The following SLC12A3 variants were observed in gnomAD, a reference collection of about 807,000 sequenced individuals.
SLC12A3 encodes solute carrier family 12 member 3.
SLC12A3 carries 104 observed loss-of-function variants against 121.0 expected under a neutral mutation model. That is an observed-to-expected ratio of 0.86 (90% confidence interval 0.73 to 1.01). SLC12A3 has a LOEUF of 1.01. SLC12A3 is among the 50% of genes least tolerant of loss of function. The pLI is 0.00. For missense variants in SLC12A3, 1,328 were observed against 1,356.3 expected, an observed-to-expected ratio of 0.98 and a Z score of 0.33; for synonymous variants, 536 against 533.4, an observed-to-expected ratio of 1.00 and a Z score of -0.07.
chr16:56,872,831 G>A (rs1278522714), intron 8 of SLC12A3, 45 bp downstream of exon 8: 1 of 1,611,810 alleles, frequency 6.2e-7, no homozygotes, highest in Non-Finnish European at 8.5e-7. Flanking sequence ...ACTGCACAGG[G>A]GCTATGAGCA....
chr16:56,884,111 G>C lies in SLC12A3; in HGVS notation c.1732G>C (p.Val578Leu), dbSNP rs139329616. The C allele has an allele frequency of 6.2e-7, 1 of 1,614,096 alleles. No homozygotes were observed. The highest frequency in any genetic ancestry group is 8.5e-7 in the Non-Finnish European group (1 of 1,180,032). The part of the protein sequence containing the change: ...WAALFGAIIS[V>L]VIMFLLTWWA... ...GGCGCTGTTTGGGGCTATCATCTCC[G>C]TGGTCATCATGTTCCTCCTCACCTG... is the stretch of plus-strand genomic sequence containing the variant. Residue 578 changes from valine (V) to leucine (L), a missense_variant, in exon 14 of 26, where the codon GTG becomes CTG. Val to Leu is a conservative substitution (Grantham distance 32). Coordinates refer to ENST00000563236, the MANE Select transcript of SLC12A3 (RefSeq NM_001126108.2).
intron 16 of SLC12A3, among the ~76,000 whole-genome samples, 177 bp from the exon 17 acceptor site, chr16:56,886,776 C>CT (rs1259977941): frequency 6.6e-6 from 1 of 152,116 alleles, no homozygotes; most frequent in African/African-American, 2.4e-5. Flanking sequence ...CCCCCTCCCT[C>CT]TCCCTTCCTC....
chr16:56,910,163 G>A (rs1476403362), intron 25 of SLC12A3, among the ~76,000 whole-genome samples: 2 of 152,154 alleles, frequency 1.3e-5, no homozygotes, highest in Non-Finnish European at 2.9e-5. Context: ...AAGGCAATAG[G>A]CCTTATGAAT....
intron 13 of SLC12A3, among the ~76,000 whole-genome samples, chr16:56,883,705 C>T (rs1457427127): frequency 6.6e-6 from 1 of 152,202 alleles, no homozygotes; most frequent in African/African-American, 2.4e-5. Context: ...CCTGGCCTGA[C>T]CTGCTGGTGG....
intron 9 of SLC12A3, 69 bp from the exon 10 acceptor site, chr16:56,879,004 G>A: frequency 1.3e-6 from 2 of 1,545,126 alleles, no homozygotes; most frequent in Non-Finnish European, 1.8e-6. Flanking sequence ...CCTCTGCAGA[G>A]GTGGGGCTGG....
At chr16:56,870,847 T>G in intron 6 of SLC12A3, 111 bp downstream of exon 6, 1 of 649,786 alleles carries the variant, frequency 1.5e-6, no homozygotes, top group Non-Finnish European at 2.7e-6. Context: ...TTTCTTTTTT[T>G]TTTTTTGAGA....
At chr16:56,899,486 C>T (rs1275739018) in intron 22 of SLC12A3, 44 bp from the exon 23 acceptor site, 1 of 1,475,324 alleles carries the variant, frequency 6.8e-7, no homozygotes, top group East Asian at 2.3e-5. Flanking sequence ...AAGACGCTGT[C>T]TCAAGAAAAA....
intron 17 of SLC12A3, among the ~76,000 whole-genome samples, chr16:56,887,527 T>A (rs1486242765): frequency 6.6e-6 from 1 of 151,382 alleles, no homozygotes; most frequent in Non-Finnish European, 1.5e-5. Flanking sequence ...CTTTCTTATG[T>A]CTCCAGATGT....
Position 56,879,505 on chromosome 16 carries a change from C to T in SLC12A3, c.1336-37C>T, listed in dbSNP as rs746593537. On this transcript the variant is annotated intron_variant, in intron 10 of 25. Coordinates refer to ENST00000563236, the MANE Select transcript of SLC12A3 (RefSeq NM_001126108.2). ...CACAGATGGGGGCTCCTGGCTCAGC[C>T]CCCACCGTGGAGTCCCTGAGCCCCA... The T allele has an allele frequency of 3.9e-6, 6 of 1,529,922 alleles. No individual in the cohort carries two copies. In the South Asian group the frequency reaches 6.7e-5, roughly 17 times the overall value. The allele number at this position is 1,529,922 out of a possible 1,614,324, so 94.8% of individuals were successfully genotyped here.
intron 22 of SLC12A3, among the ~76,000 whole-genome samples, chr16:56,895,584 G>A (rs146857345): frequency 3.8e-4 from 58 of 151,540 alleles, no homozygotes; most frequent in African/African-American, 7.3e-4. Context: ...TGGAGAACAC[G>A]CCTCCTCCTG....
chr16:56,884,190 T>C lies in SLC12A3; in HGVS notation c.1811T>C (p.Ile604Thr). Reference protein sequence around the residue: ...GVVLFLLLYVIYKKPEVNWGS... With the variant: ...GVVLFLLLYVTYKKPEVNWGS... ...GTGCTCTTCCTCCTGCTCTATGTCATCTACAAGAAGCCAGGTGCGCATCTC... is the reference window on the plus strand; with the variant it reads ...GTGCTCTTCCTCCTGCTCTATGTCACCTACAAGAAGCCAGGTGCGCATCTC... Residue 604 changes from isoleucine to threonine, a missense_variant, in exon 14 of 26, where the codon ATC (isoleucine) becomes ACC (threonine). By Grantham distance (89) the Ile-to-Thr change is moderately conservative. Coordinates refer to ENST00000563236, the MANE Select transcript of SLC12A3 (RefSeq NM_001126108.2). 1 of 1,614,104 alleles carries C rather than the reference T, an allele frequency of 6.2e-7. No homozygotes were observed. Among genetic ancestry groups the C allele is most frequent in the Non-Finnish European group, 8.5e-7 (1 of 1,179,986 alleles).
At chr16:56,902,721 C>T (rs147561234) in intron 24 of SLC12A3, among the ~76,000 whole-genome samples, 1 of 152,312 alleles carries the variant, frequency 6.6e-6, no homozygotes, top group Non-Finnish European at 1.5e-5. Flanking sequence ...CCTGGTCCTC[C>T]TGCCCATCTT....
chr16:56,871,809 G>A (rs763797640), intron 6 of SLC12A3, among the ~76,000 whole-genome samples: 1 of 152,048 alleles, frequency 6.6e-6, no homozygotes, highest in African/African-American at 2.4e-5. Flanking sequence ...TGCAACCTCC[G>A]CCTCCTCGTC....
chr16:56,899,250 C>G (rs1379482286), intron 22 of SLC12A3, among the ~76,000 whole-genome samples: 1 of 149,620 alleles, frequency 6.7e-6, no homozygotes, highest in African/African-American at 2.5e-5. Context: ...CATGGTGGCT[C>G]CAGCCTATAA....
At chr16:56,903,238 G>C (rs1283707887) in intron 24 of SLC12A3, among the ~76,000 whole-genome samples, 4 of 152,044 alleles carry the variant, frequency 2.6e-5, no homozygotes, top group African/African-American at 9.7e-5. Flanking sequence ...CCACAGCTCA[G>C]AGCTATGGTG....
At chr16:56,899,448 C>A in intron 22 of SLC12A3, 82 bp from the exon 23 acceptor site, 1 of 1,039,118 alleles carries the variant, frequency 9.6e-7, no homozygotes, top group Non-Finnish European at 1.5e-6. Flanking sequence ...GAGATTGCAC[C>A]ACTGCACTCC....
chr16:56,881,364 G>A (rs1467405894), intron 12 of SLC12A3, among the ~76,000 whole-genome samples: 1 of 152,072 alleles, frequency 6.6e-6, no homozygotes, highest in Non-Finnish European at 1.5e-5. Flanking sequence ...CCCCGGCCCC[G>A]TCTCTGCTTC....
At chr16:56,890,472 C>T (rs2055374432) in intron 19 of SLC12A3, 116 bp downstream of exon 19, 2 of 819,576 alleles carry the variant, frequency 2.4e-6, no homozygotes, top group Non-Finnish European at 4.1e-6. Flanking sequence ...AAAGTCGCCT[C>T]TTAATGGTCC....
At chr16:56,878,037 T>TACCAAC in intron 8 of SLC12A3, 40 bp from the exon 9 acceptor site, 5 of 421,384 alleles carry the variant, frequency 1.2e-5, no homozygotes, top group Non-Finnish European at 2.2e-5. Flanking sequence ...CCTCCCTCTC[T>TACCAAC]CCCTCCCTCC....
Sources: gnomAD v4.1 joint callset for allele counts (sites outside exome capture counted in the v4.1 genomes callset) on GRCh38, gnomAD v4.1.1 for gene constraint, MANE v1.5 for transcripts, NCBI Gene and HGNC (gene_info 2026-07-23, HGNC 2026-07-21) for gene names.